The following NLGN4X variants were observed in gnomAD, a reference collection of about 807,000 sequenced individuals.
NLGN4X encodes the protein neuroligin-4, X-linked.
NLGN4X carries 3 observed loss-of-function variants against 40.3 expected under a neutral mutation model. The observed-to-expected ratio is 0.07, with a 90% CI of 0.03 to 0.19. The LOEUF (loss-of-function observed/expected upper bound fraction) is 0.19. Among genes scored for constraint, NLGN4X ranks in the 10% least tolerant of loss-of-function variants. The pLI is 1.00. For missense variants in NLGN4X, 382 were observed against 708.3 expected (o/e 0.54, Z 5.23); for synonymous variants, 270 against 306.8 (o/e 0.88, Z 1.25).
chrX:6,041,317 T>A (rs1046908867), intron 2 of NLGN4X, among the ~76,000 whole-genome samples: 2 of 111,781 alleles, frequency 1.8e-5, no homozygotes, highest in Non-Finnish European at 3.8e-5. Flanking sequence ...TTTGAGATGC[T>A]TAGCTAAATA....
At chrX:6,209,847 T>C (rs1924406805) in intron 1 of NLGN4X, among the ~76,000 whole-genome samples, 1 of 111,839 alleles carries the variant, frequency 8.9e-6, no homozygotes, top group Non-Finnish European at 1.9e-5. Context: ...TGGTTTTCTT[T>C]AGTCATATTT....
At chrX:6,151,823 T>G in intron 1 of NLGN4X, 52 bp from the exon 2 acceptor site, 52 of 240,469 alleles carry the variant, frequency 2.2e-4, no homozygotes, top group South Asian at 4.8e-4. Context: ...AACGACCACC[T>G]AGAACACTGG....
chrX:6,152,422 T>C (rs1197581571), intron 1 of NLGN4X, among the ~76,000 whole-genome samples: 1 of 112,458 alleles, frequency 8.9e-6, no homozygotes, highest in Non-Finnish European at 1.9e-5. Context: ...TATCAATACA[T>C]GGGTACTTCC....
intron 3 of NLGN4X, among the ~76,000 whole-genome samples, chrX:5,955,448 C>T (rs2034460349): frequency 9.0e-6 from 1 of 110,613 alleles, no homozygotes; most frequent in Non-Finnish European, 1.9e-5. Flanking sequence ...TTTCCTGAAC[C>T]AGTAGAAAAG....
At chrX:6,220,881 G>A (rs1374684529) in intron 1 of NLGN4X, among the ~76,000 whole-genome samples, 1 of 107,545 alleles carries the variant, frequency 9.3e-6, no homozygotes, top group Non-Finnish European at 1.9e-5. Context: ...GGGATTACAG[G>A]CACACACCAC....
chrX:6,122,052 TA>T (rs1366996736), intron 2 of NLGN4X, among the ~76,000 whole-genome samples: 1 of 111,924 alleles, frequency 8.9e-6, no homozygotes, highest in Non-Finnish European at 1.9e-5. Flanking sequence ...TGAGTATTTA[TA>T]ACTGCACACG....
intron 3 of NLGN4X, among the ~76,000 whole-genome samples, chrX:6,023,540 C>A (rs2036605937): frequency 8.9e-6 from 1 of 112,013 alleles, no homozygotes; most frequent in African/African-American, 3.3e-5. Context: ...TTCAGTTACA[C>A]CCGGGTTTCA....
At chrX:5,949,927 T>TG (rs1194809364) in intron 3 of NLGN4X, among the ~76,000 whole-genome samples, 1 of 111,105 alleles carries the variant, frequency 9.0e-6, no homozygotes, top group Non-Finnish European at 1.9e-5. Context: ...GTGCCTGGAG[T>TG]GACTGCATTA....
intron 3 of NLGN4X, chrX:5,991,395 G>A: frequency 3.9e-6 from 2 of 511,139 alleles, no homozygotes. Flanking sequence ...GAGGACTGTG[G>A]AGAATTTTCT....
intron 2 of NLGN4X, among the ~76,000 whole-genome samples, chrX:6,064,671 G>GA (rs955904731): frequency 1.1e-4 from 12 of 110,736 alleles, no homozygotes; most frequent in African/African-American, 3.9e-4. Flanking sequence ...GAATGGCCAG[G>GA]AAAAAAAGGG....
At chrX:5,919,679 T>C (rs1413692682) in intron 3 of NLGN4X, among the ~76,000 whole-genome samples, 1 of 111,393 alleles carries the variant, frequency 9.0e-6, no homozygotes, top group African/African-American at 3.3e-5. Flanking sequence ...GAACTGCACA[T>C]GTGAGGGATC....
chrX:6,007,655 C>T (rs2036137762), intron 3 of NLGN4X, among the ~76,000 whole-genome samples: 1 of 111,596 alleles, frequency 9.0e-6, no homozygotes, highest in East Asian at 2.8e-4. Context: ...CAGCCCAGGG[C>T]CCTGTAAATG....
intron 5 of NLGN4X, among the ~76,000 whole-genome samples, chrX:5,894,023 T>C (rs2031349777): frequency 8.9e-6 from 1 of 112,434 alleles, no homozygotes; most frequent in South Asian, 3.7e-4. Context: ...CAAGTTTCAC[T>C]CTTGTCGAAC....
intron 1 of NLGN4X, among the ~76,000 whole-genome samples, chrX:6,159,677 G>A (rs908249154): frequency 1.3e-4 from 15 of 111,630 alleles, no homozygotes; most frequent in Non-Finnish European, 2.6e-4. Context: ...TTAGCCAAGT[G>A]CCCTCGCCAT....
Position 5,903,306 on chromosome X carries a change from C to T in NLGN4X, c.1372G>A (p.Asp458Asn), listed in dbSNP as rs755168895. The T allele has an allele frequency of 2.0e-5, 24 of 1,211,506 alleles. No homozygotes were observed. Among genetic ancestry groups the T allele is most frequent in the Non-Finnish European group, 2.5e-5 (22 of 895,402 alleles). The change falls in exon 5 of 6, where the codon GAC (aspartate) becomes AAC (asparagine). Residue 458 changes from aspartate to asparagine, a missense_variant. By Grantham distance (23) the Asp-to-Asn change is conservative. Coordinates refer to ENST00000381095, the MANE Select transcript of NLGN4X (RefSeq NM_181332.3). ...QWVAPAVATADLHAQYGSPTY... is the reference protein window; with the variant it reads ...QWVAPAVATANLHAQYGSPTY... ...GGGGAGCCGTACTGCGCGTGCAGGT[C>T]GGCGGTGGCCACGGCGGGGGCCACC...
At chrX:6,083,844 A>G (rs2038431295) in intron 2 of NLGN4X, among the ~76,000 whole-genome samples, 1 of 111,916 alleles carries the variant, frequency 8.9e-6, no homozygotes, top group South Asian at 3.7e-4. Flanking sequence ...TCTATGTGAC[A>G]CTCAACTAGA....
chrX:5,961,853 TA>T (rs1242438794), intron 3 of NLGN4X, among the ~76,000 whole-genome samples: 5 of 112,205 alleles, frequency 4.5e-5, no homozygotes, highest in Non-Finnish European at 9.4e-5. Flanking sequence ...CATACAACAT[TA>T]AAAAATATAT....
At chrX:6,197,456 A>G (rs1923210254) in intron 1 of NLGN4X, among the ~76,000 whole-genome samples, 1 of 91,447 alleles carries the variant, frequency 1.1e-5, no homozygotes, top group African/African-American at 3.6e-5. Context: ...TTTTTTATAG[A>G]GACGGAGTCT....
chrX:6,183,402 C>T (rs1334647971), intron 1 of NLGN4X, among the ~76,000 whole-genome samples: 2 of 110,996 alleles, frequency 1.8e-5, no homozygotes, highest in African/African-American at 6.6e-5. Context: ...AAAAAATTAG[C>T]CAGGAGTGGT....
Sources: gnomAD v4.1 joint callset for allele counts (sites outside exome capture counted in the v4.1 genomes callset) on GRCh38, gnomAD v4.1.1 for gene constraint, MANE v1.5 for transcripts, NCBI Gene and HGNC (gene_info 2026-07-23, HGNC 2026-07-21) for gene names.